The following RUNX1T1 variants were observed in gnomAD, a reference collection of about 807,000 sequenced individuals.
The protein encoded by RUNX1T1 is RUNX1 partner transcriptional co-repressor 1, also known as protein CBFA2T1.
In RUNX1T1, 4 loss-of-function variants were observed where a neutral mutation model predicts 62.8. The observed-to-expected ratio is 0.06, with a 90% confidence interval of 0.03 to 0.15. The LOEUF (loss-of-function observed/expected upper bound fraction) is 0.15. RUNX1T1 is among the 10% of genes least tolerant of loss of function. The pLI is 1.00. For synonymous variants in RUNX1T1, 291 were observed against 286.0 expected (o/e 1.02, Z -0.18); for missense variants, 508 against 754.3 (o/e 0.67, Z 3.82).
rs1563811031 is a variant in RUNX1T1, at chr8:92,034,799, C to CACATATATATATACAT, written c.8-17437_8-17436insATGTATATATATATGT. ...ATACACATATATATATACATATATA[C>CACATATATATATACAT]ACACACACACACACACACACACACA... On this transcript the variant is annotated intron_variant, in intron 1 of 10. Transcript: ENST00000396218. 4.1e-3 allele frequency among the ~76,000 whole-genome samples: 333 copies of CACATATATATATACAT among 81,536 alleles called. 3 individuals are homozygous for CACATATATATATACAT. Among genetic ancestry groups the CACATATATATATACAT allele is most frequent in the Non-Finnish European group, 7.0e-3 (265 of 38,070 alleles). The allele number at this position is 81,536 out of a possible 152,430, so 53.5% of individuals were successfully genotyped here. A position where few individuals can be genotyped will look rare whatever the true frequency, so the allele number is the denominator to read the frequency against.
intron 5 of RUNX1T1, among the ~76,000 whole-genome samples, chr8:92,003,069 T>C (rs1820067000): frequency 6.6e-6 from 1 of 152,188 alleles, no homozygotes; most frequent in South Asian, 2.1e-4. Flanking sequence ...GTGCCCCATT[T>C]GATAAAGAAT....
intron 1 of RUNX1T1, among the ~76,000 whole-genome samples, chr8:92,035,820 T>C (rs1338647641): frequency 6.6e-6 from 1 of 152,120 alleles, no homozygotes; most frequent in East Asian, 1.9e-4. Flanking sequence ...TACTTTCACC[T>C]TCCATATTTC....
chr8:91,988,351 C>T (rs1003408192), intron 6 of RUNX1T1, among the ~76,000 whole-genome samples: 16 of 151,964 alleles, frequency 1.1e-4, no homozygotes, highest in Non-Finnish European at 2.1e-4. Context: ...GTCAATGCCA[C>T]CTATTGGTAA....
chr8:91,997,359 AT>A (rs1172619588), intron 5 of RUNX1T1, among the ~76,000 whole-genome samples: 1 of 151,842 alleles, frequency 6.6e-6, no homozygotes, highest in Admixed American at 6.6e-5. Flanking sequence ...CTACATTAAC[AT>A]TTTTTTTAAT....
intron 1 of RUNX1T1, among the ~76,000 whole-genome samples, chr8:92,087,436 A>G (rs1411137688): frequency 1.3e-5 from 2 of 152,012 alleles, no homozygotes; most frequent in Non-Finnish European, 2.9e-5. Context: ...CCCTATTCCT[A>G]TTGTATAACC....
At chr8:92,103,297 G>C (rs1338148798), upstream of RUNX1T1, 2 of 215,344 alleles carry the variant, frequency 9.3e-6, no homozygotes, top group African/African-American at 2.3e-5. Flanking sequence ...GCTCACTCTC[G>C]AGGAAGGCGA....
At chr8:92,055,509 A>C (rs1392186014) in intron 1 of RUNX1T1, among the ~76,000 whole-genome samples, 1 of 152,118 alleles carries the variant, frequency 6.6e-6, no homozygotes, top group Non-Finnish European at 1.5e-5. Context: ...TGGGGCGATC[A>C]TAGCTCACTG....
At chr8:92,028,063 C>T (rs1007967621) in intron 1 of RUNX1T1, among the ~76,000 whole-genome samples, 20 of 96,972 alleles carry the variant, frequency 2.1e-4, no homozygotes, top group Admixed American at 8.3e-4. Context: ...GATGGACAGA[C>T]GGATGGAATA....
rs374122211 is a variant in RUNX1T1, at chr8:92,092,207, TA to T, written c.-86+7372del. ...ATAGCGTTGCCATTCACTTTCTTGT[TA>T]TAAGGACGCAGTATTATTTTTATTA... is the stretch of plus-strand genomic sequence containing the variant. On this transcript the variant is annotated intron_variant, in intron 1 of 11. Coordinates refer to the RUNX1T1 transcript ENST00000265814. 2.4e-3 allele frequency among the ~76,000 whole-genome samples: 364 copies of T among 152,352 alleles called. 3 individuals are homozygous for T. Among genetic ancestry groups the T allele is most frequent in the Non-Finnish European group, 4.1e-3 (280 of 68,024 alleles).
At chr8:92,084,456 T>G (rs1835783205) in intron 1 of RUNX1T1, among the ~76,000 whole-genome samples, 1 of 152,142 alleles carries the variant, frequency 6.6e-6, no homozygotes, top group Admixed American at 6.5e-5. Context: ...AACAACATGC[T>G]GTTGGAACCA....
Position 92,011,110 on chromosome 8 carries a change from AG to A in RUNX1T1, c.388-20del. On this transcript the variant is annotated intron_variant, in intron 3 of 10. Coordinates refer to ENST00000396218, the Ensembl canonical transcript of RUNX1T1. The stretch of plus-strand genomic sequence containing the variant: ...TGGAGTTCTATGGAAGAAAATATGT[AG>A]TATAAATACATTAGCCTGTTGGTAA... The A allele has an allele frequency of 1.5e-6, 2 of 1,358,620 alleles. No homozygotes were observed. The highest frequency in any genetic ancestry group is 2.1e-6 in the Non-Finnish European group (2 of 947,502). 84.2% of individuals were successfully genotyped at this position (1,358,620 alleles called of 1,614,324 possible).
At chr8:92,016,686 C>CA (rs1388398449) in intron 2 of RUNX1T1, among the ~76,000 whole-genome samples, 1 of 151,308 alleles carries the variant, frequency 6.6e-6, no homozygotes, top group Non-Finnish European at 1.5e-5. Context: ...CCCCTCCACC[C>CA]AAAAAAAAGG....
chr8:91,986,416 T>C (rs1816576562), intron 7 of RUNX1T1, 91 bp from the exon 9 acceptor site: 2 of 985,318 alleles, frequency 2.0e-6, no homozygotes, highest in Admixed American at 1.9e-5. Flanking sequence ...TTCAGGACAA[T>C]GAAGGAAGCA....
At chr8:91,960,150 C>CA in exon 11 of RUNX1T1, 2 of 1,350,366 alleles carry the variant, frequency 1.5e-6, no homozygotes, top group Non-Finnish European at 2.0e-6. Context: ...AATAAACAAA[C>CA]AAACAAAAAA....
In RUNX1T1 at chr8:92,009,380, C is replaced by A. The variant is rs182188948; in HGVS notation, c.477+1622G>T. On this transcript the variant is annotated intron_variant, in intron 4 of 10. Coordinates refer to ENST00000396218, the Ensembl canonical transcript of RUNX1T1. ...TTATTAAGGCCCGAGTTCCCACAAC[C>A]ATATGGTTTTTGTCATTAATGTCTC... 4.6e-5 allele frequency among the ~76,000 whole-genome samples: 7 copies of A among 152,126 alleles called. No homozygotes were observed. In the East Asian group the frequency reaches 1.4e-3, roughly 29 times the overall value.
intron 10 of RUNX1T1, among the ~76,000 whole-genome samples, chr8:91,965,391 CT>C (rs1811363866): frequency 6.6e-6 from 1 of 152,136 alleles, no homozygotes; most frequent in African/African-American, 2.4e-5. Flanking sequence ...ACTTCTTCTG[CT>C]GTTTGTTCTT....
chr8:91,967,847 T>C (rs945057893), intron 10 of RUNX1T1, among the ~76,000 whole-genome samples: 5 of 152,102 alleles, frequency 3.3e-5, no homozygotes, highest in South Asian at 2.1e-4. Context: ...ATGTTTACAA[T>C]AGGTGGTGGC....
chr8:92,066,721 G>A (rs1298596012), upstream of RUNX1T1, among the ~76,000 whole-genome samples: 1 of 152,160 alleles, frequency 6.6e-6, no homozygotes, highest in Non-Finnish European at 1.5e-5. Context: ...CCCTGACAAA[G>A]ATAAATCCAA....
At chr8:91,996,395 GT>G (rs1215889520) in intron 5 of RUNX1T1, among the ~76,000 whole-genome samples, 23 of 152,158 alleles carry the variant, frequency 1.5e-4, no homozygotes, top group Non-Finnish European at 2.2e-4. Flanking sequence ...TAGAGACGGG[GT>G]TTCACCCTGT....
Sources: allele counts gnomAD v4.1 joint callset (sites outside exome capture counted in the v4.1 genomes callset), GRCh38; gene constraint gnomAD v4.1.1; transcripts MANE v1.5; gene names NCBI Gene and HGNC (gene_info 2026-07-23, HGNC 2026-07-21).